NACC2: variants seen among roughly 807,000 people sequenced by gnomAD.
NACC2 encodes nucleus accumbens-associated protein 2.
NACC2 carries 8 observed loss-of-function variants against 25.1 expected under a neutral mutation model. The observed-to-expected ratio is 0.32, with a 90% CI of 0.19 to 0.57. The LOEUF (loss-of-function observed/expected upper bound fraction) is 0.57. Among genes scored for constraint, NACC2 ranks in the 20% least tolerant of loss-of-function variants. The pLI is 0.89. For synonymous variants in NACC2, 435 were observed against 294.7 expected, an observed-to-expected ratio of 1.48 and a Z score of -4.88; for missense variants, 644 against 650.2, an observed-to-expected ratio of 0.99 and a Z score of 0.10.
chr9:136,030,597 A>G (rs976321237), intron 2 of NACC2, among the ~76,000 whole-genome samples: 19 of 150,334 alleles, frequency 1.3e-4, no homozygotes, highest in Non-Finnish European at 2.4e-4. Context: ...GCGACAGAGC[A>G]AGACTCCGTC....
chr9:136,076,026 C>T (rs1830259655), intron 1 of NACC2, among the ~76,000 whole-genome samples: 1 of 152,144 alleles, frequency 6.6e-6, no homozygotes, highest in African/African-American at 2.4e-5. Flanking sequence ...ATGAAGGTTA[C>T]GTGTGGTCAC....
intron 2 of NACC2, among the ~76,000 whole-genome samples, chr9:136,027,446 T>C (rs908230480): frequency 2.0e-5 from 3 of 152,218 alleles, no homozygotes; most frequent in Non-Finnish European, 4.4e-5. Flanking sequence ...TTCTTTTCAA[T>C]GTATATGGAA....
Position 136,055,058 on chromosome 9 carries a change from T to G in NACC2, c.-59-4478A>C, listed in dbSNP as rs1480033704. On this transcript the variant is annotated intron_variant, in intron 1 of 5. Transcript: ENST00000277554. The surrounding 1 kb of genome is among the most constrained non-coding windows in gnomAD (Gnocchi z 4.9). ...TAAGAAAATACAGGTGGCTGTGGTG[T>G]CGGAGTGGGGGGTCTCTCCTCTGCA... 6.6e-6 allele frequency among the ~76,000 whole-genome samples: 1 copy of G among 151,906 alleles called. No homozygotes were observed. Among genetic ancestry groups the G allele is most frequent in the Non-Finnish European group, 1.5e-5 (1 of 67,966 alleles).
At position 136,070,380 on chromosome 9, in the gene NACC2, C is replaced by T. The variant is rs1262039309; in HGVS notation, c.-59-19800G>A. ...AAAATTAGCCGGGCGTGGTGGTGGG[C>T]GCCTATAATCCCAGCCACTGGGGAG... On this transcript the variant is annotated intron_variant, in intron 1 of 5. Coordinates refer to ENST00000277554, the MANE Select transcript of NACC2 (RefSeq NM_144653.5). Among the ~76,000 whole-genome samples the T allele has an allele frequency of 3.3e-5, 5 of 151,606 alleles. 1 individual carries two copies. The highest frequency in any genetic ancestry group is 3.9e-4 in the East Asian group (2 of 5,178).
chr9:136,070,058 A>G (rs1280033897), intron 1 of NACC2, among the ~76,000 whole-genome samples: 1 of 151,924 alleles, frequency 6.6e-6, no homozygotes, highest in Non-Finnish European at 1.5e-5. Flanking sequence ...GGCCAGAAAG[A>G]AAACTTCAAG....
intron 2 of NACC2, among the ~76,000 whole-genome samples, chr9:136,024,417 T>G: frequency 7.1e-6 from 1 of 140,438 alleles, no homozygotes; most frequent in African/African-American, 2.7e-5. Flanking sequence ...AGTGTGTGTG[T>G]GTGAGGACAG....
At chr9:136,092,426 G>A (rs1830442601) in intron 1 of NACC2, among the ~76,000 whole-genome samples, 1 of 152,212 alleles carries the variant, frequency 6.6e-6, no homozygotes, top group African/African-American at 2.4e-5. Context: ...GCATCAGACG[G>A]CGGCTCAGGT....
intron 2 of NACC2, among the ~76,000 whole-genome samples, chr9:136,046,761 G>A (rs1445154930): frequency 6.6e-6 from 1 of 152,250 alleles, no homozygotes; most frequent in Non-Finnish European, 1.5e-5. Flanking sequence ...TGGTGACGCG[G>A]GACCTGGAGG....
At chr9:136,041,610 A>G (rs1428796035) in intron 2 of NACC2, among the ~76,000 whole-genome samples, 2 of 152,214 alleles carry the variant, frequency 1.3e-5, no homozygotes, top group African/African-American at 4.8e-5. Flanking sequence ...ATACGGGGAA[A>G]TAGAAATATC....
At chr9:136,025,362 A>G (rs1181633536) in intron 2 of NACC2, among the ~76,000 whole-genome samples, 1 of 152,258 alleles carries the variant, frequency 6.6e-6, no homozygotes, top group Non-Finnish European at 1.5e-5. Context: ...CAGGAATCCC[A>G]GAAAACAGAA....
At chr9:136,030,634 T>G (rs1840460099) in intron 2 of NACC2, among the ~76,000 whole-genome samples, 1 of 151,982 alleles carries the variant, frequency 6.6e-6, no homozygotes, top group Non-Finnish European at 1.5e-5. Flanking sequence ...AAGAGGGTAC[T>G]GGAACAATTT....
intron 2 of NACC2, among the ~76,000 whole-genome samples, chr9:136,034,137 C>T (rs1294505645): frequency 6.6e-6 from 1 of 152,040 alleles, no homozygotes; most frequent in Non-Finnish European, 1.5e-5. Context: ...CAATTACAAA[C>T]ACATATAATT....
At chr9:136,061,987 G>A (rs906572777) in intron 1 of NACC2, among the ~76,000 whole-genome samples, 12 of 152,110 alleles carry the variant, frequency 7.9e-5, no homozygotes, top group African/African-American at 2.4e-4. Context: ...GAGCGTGGTG[G>A]TGTGCACCTG....
chr9:136,092,990 G>A (rs1051545176), intron 1 of NACC2, among the ~76,000 whole-genome samples: 1 of 152,222 alleles, frequency 6.6e-6, no homozygotes, highest in Non-Finnish European at 1.5e-5. Flanking sequence ...GCTGAGGAAG[G>A]AACATGGGCT....
intron 1 of NACC2, among the ~76,000 whole-genome samples, chr9:136,080,999 T>C (rs1830317851): frequency 6.6e-6 from 1 of 152,056 alleles, no homozygotes; most frequent in Non-Finnish European, 1.5e-5. Context: ...AAGCACATTC[T>C]GATTAACAGA....
intron 1 of NACC2, among the ~76,000 whole-genome samples, chr9:136,088,036 C>CTCCA (rs1830396937): frequency 2.0e-5 from 3 of 152,152 alleles, no homozygotes; most frequent in Admixed American, 2.0e-4. Context: ...CAGAGGTGAC[C>CTCCA]TGGAAGACGG....
chr9:136,027,233 CA>C (rs1386139039), intron 2 of NACC2, among the ~76,000 whole-genome samples: 1 of 151,678 alleles, frequency 6.6e-6, no homozygotes, highest in Admixed American at 6.6e-5. Flanking sequence ...TCAAAACAAA[CA>C]AAAAAAATTA....
chr9:136,036,290 GA>G (rs1335531653), intron 2 of NACC2, among the ~76,000 whole-genome samples: 1 of 152,108 alleles, frequency 6.6e-6, no homozygotes, highest in Non-Finnish European at 1.5e-5. Flanking sequence ...CACTGTGAGA[GA>G]ATCAAGGACG....
At chr9:136,024,883 G>A (rs188630350) in intron 2 of NACC2, among the ~76,000 whole-genome samples, 9 of 152,324 alleles carry the variant, frequency 5.9e-5, no homozygotes, top group Non-Finnish European at 8.8e-5. Context: ...GCCTAAAGGC[G>A]GCAGTGGCTG....
Sources: gnomAD v4.1 joint callset for allele counts (sites outside exome capture counted in the v4.1 genomes callset) on GRCh38, gnomAD v4.1.1 for gene constraint, Gnocchi (gnomAD v3.1) non-coding constraint, MANE v1.5 for transcripts, NCBI Gene and HGNC (gene_info 2026-07-23, HGNC 2026-07-21) for gene names.